The following RPL37 variants were observed in gnomAD, a reference collection of about 807,000 sequenced individuals.
RPL37 encodes ribosomal protein L37.
RPL37 carries 1 observed loss-of-function variant against 14.8 expected under a neutral mutation model. The ratio of observed to expected loss-of-function variants is 0.07; its 90% CI spans 0.02 to 0.32. The LOEUF is 0.32. RPL37 is among the 10% of genes least tolerant of loss of function. The pLI, the probability that RPL37 is intolerant of heterozygous loss-of-function variation, is 1.00. For missense variants in RPL37, 100 were observed against 128.3 expected (o/e 0.78, Z 1.06); for synonymous variants, 53 against 45.8 (o/e 1.16, Z -0.63).
In RPL37 at chr5:40,830,029, A is replaced by C. The variant is rs114347138; in HGVS notation, c.*2475T>G. On this transcript the variant is annotated 3_prime_UTR_variant, in exon 4 of 4. Coordinates refer to ENST00000274242, the MANE Select transcript of RPL37 (RefSeq NM_000997.5). ...AACTTTACAGAACATAACCAGTTACATGTGGAAACAGGTAGTCTGCTTTGA... is the reference window on the plus strand; with the variant it reads ...AACTTTACAGAACATAACCAGTTACCTGTGGAAACAGGTAGTCTGCTTTGA... 6.6e-6 allele frequency: 1 copy of C among 152,120 alleles called. No homozygotes were observed. Among genetic ancestry groups the C allele is most frequent in the Non-Finnish European group, 1.5e-5 (1 of 68,022 alleles). The allele number at this position is 152,120 out of a possible 1,614,324, so 9.4% of individuals were successfully genotyped here. A position where few individuals can be genotyped will look rare whatever the true frequency, so the allele number is the denominator to read the frequency against.
chr5:40,827,718 G>C lies in RPL37; in HGVS notation c.*4786C>G, dbSNP rs1446533813. 3 of 151,398 alleles carry C rather than the reference G, an allele frequency of 2.0e-5. No homozygotes were observed. Among genetic ancestry groups the C allele is most frequent in the African/African-American group, 7.3e-5 (3 of 41,178 alleles). 9.4% of individuals were successfully genotyped at this position (151,398 alleles called of 1,614,324 possible). A position where few individuals can be genotyped will look rare whatever the true frequency, so the allele number is the denominator to read the frequency against. Reference sequence around the variant, plus strand: ...TACTTACAAGGAAGATTTTGCTTAAGTCCTTCCTTTATCCTTTTTTTTTTT... The same window carrying C: ...TACTTACAAGGAAGATTTTGCTTAACTCCTTCCTTTATCCTTTTTTTTTTT... On this transcript the variant is annotated 3_prime_UTR_variant, in exon 4 of 4. Coordinates refer to ENST00000274242, the MANE Select transcript of RPL37 (RefSeq NM_000997.5).
rs753235334 is a variant in RPL37 at position 40,832,164 on chromosome 5, A to G, written c.*340T>C. On this transcript the variant is annotated 3_prime_UTR_variant, in exon 4 of 4. Coordinates refer to ENST00000274242, the MANE Select transcript of RPL37 (RefSeq NM_000997.5). ...TGTTGCTAAAGGTAATTTAAACATC[A>G]TACTCTTTCAAATTTACTCAAACAT... The G allele has an allele frequency of 5.9e-5, 16 of 273,464 alleles. No homozygotes were observed. The highest frequency in any genetic ancestry group is 2.7e-4 in the Admixed American group (6 of 22,178). The allele number at this position is 273,464 out of a possible 1,614,324, so 16.9% of individuals were successfully genotyped here. A position where few individuals can be genotyped will look rare whatever the true frequency, so the allele number is the denominator to read the frequency against.
chr5:40,826,971 G>A lies in RPL37; in HGVS notation c.*5533C>T. 1 of 152,138 alleles carries A rather than the reference G, an allele frequency of 6.6e-6. No individual in the cohort carries two copies. The highest frequency in any genetic ancestry group is 1.9e-4 in the East Asian group (1 of 5,196). 9.4% of individuals were successfully genotyped at this position (152,138 alleles called of 1,614,324 possible). On this transcript the variant is annotated 3_prime_UTR_variant, in exon 4 of 4. Transcript: ENST00000274242. ...TTTTTGTATTTTTAATGGAGAAGAG[G>A]TTTCACCAGGTTGCCCAGGCTGGTC...
In RPL37 at chr5:40,830,107, G is replaced by T. The variant is rs542563666; in HGVS notation, c.*2397C>A. ...GTGAACTAAGATGGGAGGGAAGTAG[G>T]GGCTGGAGGGAGGCTTTTCAGGCAG... is the stretch of plus-strand genomic sequence containing the variant. On this transcript the variant is annotated 3_prime_UTR_variant, in exon 4 of 4. Coordinates refer to ENST00000274242, the MANE Select transcript of RPL37 (RefSeq NM_000997.5). 6.6e-6 allele frequency: 1 copy of T among 152,158 alleles called. No individual in the cohort carries two copies. The highest frequency in any genetic ancestry group is 2.4e-5 in the African/African-American group (1 of 41,422). 9.4% of individuals were successfully genotyped at this position (152,158 alleles called of 1,614,324 possible). A position where few individuals can be genotyped will look rare whatever the true frequency, so the allele number is the denominator to read the frequency against.
Position 40,828,299 on chromosome 5 carries a change from A to T in RPL37, c.*4205T>A, listed in dbSNP as rs1745560661. 6.6e-6 allele frequency: 1 copy of T among 152,176 alleles called. No homozygotes were observed. Among genetic ancestry groups the T allele is most frequent in the South Asian group, 2.1e-4 (1 of 4,828 alleles). The allele number at this position is 152,176 out of a possible 1,614,324, so 9.4% of individuals were successfully genotyped here. A position where few individuals can be genotyped will look rare whatever the true frequency, so the allele number is the denominator to read the frequency against. ...TCTTACACACTTATCACTATCTGCA[A>T]TTGTCTATTATGTCACCTTCCACAA... On this transcript the variant is annotated 3_prime_UTR_variant, in exon 4 of 4. Transcript: ENST00000274242.
In RPL37 at chr5:40,829,948, T is replaced by C. The variant is rs1182138948; in HGVS notation, c.*2556A>G. 6.6e-6 allele frequency: 1 copy of C among 152,308 alleles called. No homozygotes were observed. Among genetic ancestry groups the C allele is most frequent in the East Asian group, 1.9e-4 (1 of 5,172 alleles). 9.4% of individuals were successfully genotyped at this position (152,308 alleles called of 1,614,324 possible). A position where few individuals can be genotyped will look rare whatever the true frequency, so the allele number is the denominator to read the frequency against. On this transcript the variant is annotated 3_prime_UTR_variant, in exon 4 of 4. Coordinates refer to ENST00000274242, the MANE Select transcript of RPL37 (RefSeq NM_000997.5). ...CCTTGGCCTCCCAAAGTGCTGCGAC[T>C]ATAGGACGTGAGCTACCGTACCCGG...
In RPL37 at chr5:40,827,455, CTG is replaced by C. The variant is rs763216495; in HGVS notation, c.*5047_*5048del. On this transcript the variant is annotated 3_prime_UTR_variant, in exon 4 of 4. Coordinates refer to ENST00000274242, the MANE Select transcript of RPL37 (RefSeq NM_000997.5). ...GCACGTTTTACCTATTGAAATAAAA[CTG>C]TTTTCGCAACTAATCATGATGAAAA... The C allele has an allele frequency of 1.3e-5, 2 of 152,332 alleles. No individual in the cohort carries two copies. Among genetic ancestry groups the C allele is most frequent in the South Asian group, 2.1e-4 (1 of 4,830 alleles). 9.4% of individuals were successfully genotyped at this position (152,332 alleles called of 1,614,324 possible). A position where few individuals can be genotyped will look rare whatever the true frequency, so the allele number is the denominator to read the frequency against.
Position 40,835,067 on chromosome 5 carries a change from T to C in RPL37, c.3+116A>G. ...TCTTGAGGGCCACCGCATGCCTCTT[T>C]CCAGCCCACCAGTTCCCCTTATCCG... On this transcript the variant is annotated intron_variant, in intron 1 of 3. Coordinates refer to ENST00000274242, the MANE Select transcript of RPL37 (RefSeq NM_000997.5). 4.1e-6 allele frequency: 6 copies of C among 1,452,422 alleles called. No individual in the cohort carries two copies. In the South Asian group the frequency reaches 7.0e-5, roughly 17 times the overall value. 90.0% of individuals were successfully genotyped at this position (1,452,422 alleles called of 1,614,324 possible). A position where few individuals can be genotyped will look rare whatever the true frequency, so the allele number is the denominator to read the frequency against.
chr5:40,834,700 C>A, intron 1 of RPL37, 94 bp from the exon 2 acceptor site: 1 of 1,415,068 alleles, frequency 7.1e-7, no homozygotes. Context: ...AATTTAAAGG[C>A]AATCGTAAAG....
In RPL37 at chr5:40,835,188, C is replaced by G. The variant is rs1351485771; in HGVS notation, c.-3G>C. On this transcript the variant is annotated 5_prime_UTR_variant, in exon 1 of 4. Coordinates refer to ENST00000274242, the MANE Select transcript of RPL37 (RefSeq NM_000997.5). ...ACACCACAGTCACAACTCACCATCTCGCTTCTGCGGCCGAGACCAGAAAGA... is the reference window on the plus strand; with the variant it reads ...ACACCACAGTCACAACTCACCATCTGGCTTCTGCGGCCGAGACCAGAAAGA... 4 of 1,614,010 alleles carry G rather than the reference C, an allele frequency of 2.5e-6. No homozygotes were observed. The Admixed American group carries it at 5.0e-5, about 20-fold the overall frequency.
chr5:40,835,049 G>A, intron 1 of RPL37, 134 bp downstream of exon 1: 2 of 1,220,044 alleles, frequency 1.6e-6, no homozygotes, highest in Non-Finnish European at 2.4e-6. Flanking sequence ...GGCTCTTGAG[G>A]GCCACCGCAT....
chr5:40,832,616 C>T (rs930829537), intron 3 of RPL37, 43 bp from the exon 4 acceptor site: 12 of 1,445,904 alleles, frequency 8.3e-6, no homozygotes, highest in Admixed American at 1.7e-5. Context: ...TCAGCAACAT[C>T]GATGCATACA....
chr5:40,829,733 G>A lies in RPL37; in HGVS notation c.*2771C>T, dbSNP rs773600340. ...ATAATTGTGTCTCAATTAGAGGTGAGGCCTCTGCAGCTCACCGCAACCTCC... is the reference window on the plus strand; with the variant it reads ...ATAATTGTGTCTCAATTAGAGGTGAAGCCTCTGCAGCTCACCGCAACCTCC... On this transcript the variant is annotated 3_prime_UTR_variant, in exon 4 of 4. Transcript: ENST00000274242. 2 of 151,664 alleles carry A rather than the reference G, an allele frequency of 1.3e-5. No homozygotes were observed. The highest frequency in any genetic ancestry group is 4.8e-5 in the African/African-American group (2 of 41,282). 9.4% of individuals were successfully genotyped at this position (151,664 alleles called of 1,614,324 possible). A position where few individuals can be genotyped will look rare whatever the true frequency, so the allele number is the denominator to read the frequency against.
rs1167597568 is a variant in RPL37 at position 40,825,990 on chromosome 5, T to A, written c.*6514A>T. On this transcript the variant is annotated 3_prime_UTR_variant, in exon 4 of 4. Transcript: ENST00000274242. ...CCCAAGGCGTGTGGGATTACAGATG[T>A]GAGCCTCCGCACCCGGCCGCTCCTC... The A allele has an allele frequency of 6.6e-6, 1 of 152,208 alleles. No individual in the cohort carries two copies. The highest frequency in any genetic ancestry group is 2.4e-5 in the African/African-American group (1 of 41,442). 9.4% of individuals were successfully genotyped at this position (152,208 alleles called of 1,614,324 possible).
At position 40,830,423 on chromosome 5, in the gene RPL37, A is replaced by C. The variant is rs970410462; in HGVS notation, c.*2081T>G. Reference sequence around the variant, plus strand: ...GGAGTCCAAGACCAGCCTGGGCAACATAGTTTAACTCCATCTCCAATGCAA... The same window carrying C: ...GGAGTCCAAGACCAGCCTGGGCAACCTAGTTTAACTCCATCTCCAATGCAA... On this transcript the variant is annotated 3_prime_UTR_variant, in exon 4 of 4. Coordinates refer to ENST00000274242, the MANE Select transcript of RPL37 (RefSeq NM_000997.5). 1.3e-5 allele frequency: 2 copies of C among 151,984 alleles called. No homozygotes were observed. Among genetic ancestry groups the C allele is most frequent in the Non-Finnish European group, 2.9e-5 (2 of 68,008 alleles). The allele number at this position is 151,984 out of a possible 1,614,324, so 9.4% of individuals were successfully genotyped here. A position where few individuals can be genotyped will look rare whatever the true frequency, so the allele number is the denominator to read the frequency against.
rs1745531798 is a variant in RPL37 at position 40,826,995 on chromosome 5, T to G, written c.*5509A>C. On this transcript the variant is annotated 3_prime_UTR_variant, in exon 4 of 4. Coordinates refer to ENST00000274242, the MANE Select transcript of RPL37 (RefSeq NM_000997.5). ...GGTTTCACCAGGTTGCCCAGGCTGG[T>G]CTCAAACTCTTGGGCTCAAGCCAAT... 6.6e-6 allele frequency: 1 copy of G among 152,134 alleles called. No individual in the cohort carries two copies. Among genetic ancestry groups the G allele is most frequent in the South Asian group, 2.1e-4 (1 of 4,828 alleles). 9.4% of individuals were successfully genotyped at this position (152,134 alleles called of 1,614,324 possible).
Position 40,827,703 on chromosome 5 carries a change from G to T in RPL37, c.*4801C>A, listed in dbSNP as rs902825897. On this transcript the variant is annotated 3_prime_UTR_variant, in exon 4 of 4. Transcript: ENST00000274242. The stretch of plus-strand genomic sequence containing the variant: ...GTCAAAACATCCTTCTACTTACAAG[G>T]AAGATTTTGCTTAAGTCCTTCCTTT... The T allele has an allele frequency of 2.0e-5, 3 of 151,704 alleles. No individual in the cohort carries two copies. Among genetic ancestry groups the T allele is most frequent in the Non-Finnish European group, 4.4e-5 (3 of 67,948 alleles). 9.4% of individuals were successfully genotyped at this position (151,704 alleles called of 1,614,324 possible).
chr5:40,830,740 C>A lies in RPL37; in HGVS notation c.*1764G>T, dbSNP rs1475501156. ...TCGATCTCTTGACCTTGTGATCCGC[C>A]CACCTCGGCCTCCCAAAGTGCCAGG... On this transcript the variant is annotated 3_prime_UTR_variant, in exon 4 of 4. Coordinates refer to ENST00000274242, the MANE Select transcript of RPL37 (RefSeq NM_000997.5). 6.6e-6 allele frequency: 1 copy of A among 151,580 alleles called. No homozygotes were observed. The highest frequency in any genetic ancestry group is 2.0e-4 in the East Asian group (1 of 5,016). 9.4% of individuals were successfully genotyped at this position (151,580 alleles called of 1,614,324 possible).
chr5:40,834,655 T>C, intron 1 of RPL37, 49 bp from the exon 2 acceptor site: 1 of 1,543,608 alleles, frequency 6.5e-7, no homozygotes, highest in South Asian at 1.2e-5. Flanking sequence ...ACTTCTAGAT[T>C]TACTCGAGTT....
Sources: allele counts gnomAD v4.1 joint callset, GRCh38; gene constraint gnomAD v4.1.1; transcripts MANE v1.5; gene names NCBI Gene and HGNC (gene_info 2026-07-23, HGNC 2026-07-21).